HIGD1C: variants seen among roughly 807,000 people sequenced by gnomAD.
HIGD1C encodes the protein HIG1 hypoxia inducible domain family member 1C.
Under a neutral mutation model 13.1 loss-of-function variants are expected in HIGD1C, and 11 were observed. The ratio of observed to expected loss-of-function variants is 0.84; its 90% CI spans 0.53 to 1.39. HIGD1C has a LOEUF of 1.39. Ranked by LOEUF, HIGD1C falls within the 40% of genes most tolerant of loss-of-function variation. The pLI, the probability that HIGD1C is intolerant of heterozygous loss-of-function variation, is 0.00. For synonymous variants in HIGD1C, 36 were observed against 37.7 expected, an observed-to-expected ratio of 0.95 and a Z score of 0.17; for missense variants, 110 against 112.0, an observed-to-expected ratio of 0.98 and a Z score of 0.08.
intron 1 of HIGD1C, among the ~76,000 whole-genome samples, chr12:50,954,918 C>T (rs1222922703): frequency 6.6e-6 from 1 of 152,106 alleles, no homozygotes; most frequent in African/African-American, 2.4e-5. Context: ...TTTGGCTGCT[C>T]AGTGGCCCTC....
chr12:50,968,789 G>A (rs186140695), intron 2 of HIGD1C, among the ~76,000 whole-genome samples: 11 of 149,072 alleles, frequency 7.4e-5, no homozygotes, highest in Non-Finnish European at 1.2e-4. Context: ...TGATCCACCC[G>A]CCTTGGCCTC....
At chr12:50,971,912 T>C (rs999683997), downstream of HIGD1C, among the ~76,000 whole-genome samples, 7 of 152,236 alleles carry the variant, frequency 4.6e-5, no homozygotes, top group Non-Finnish European at 1.0e-4. Flanking sequence ...TATACATTTT[T>C]CCCCATTGGG....
chr12:50,956,305 T>C (rs1383466145), intron 1 of HIGD1C, among the ~76,000 whole-genome samples: 1 of 152,086 alleles, frequency 6.6e-6, no homozygotes, highest in East Asian at 1.9e-4. Flanking sequence ...GGCGGGAGAA[T>C]CACTTGAACT....
At chr12:50,939,940 A>G in the HIGD1C span, 2 of 148,784 alleles carry the variant, frequency 1.3e-5, no homozygotes, top group East Asian at 2.0e-4. Flanking sequence ...AGCCTAGTCA[A>G]TTGAAGCAGT....
At chr12:50,943,157 G>A in the HIGD1C span, among the ~76,000 whole-genome samples, 4 of 151,778 alleles carry the variant, frequency 2.6e-5, no homozygotes, top group African/African-American at 4.8e-5. Context: ...GAGCCACCAC[G>A]CCCAATCAAG....
chr12:50,970,638 C>T (rs1017599724), downstream of HIGD1C: 5 of 615,454 alleles, frequency 8.1e-6, no homozygotes, highest in Admixed American at 9.1e-5. Context: ...TATTTCAAGT[C>T]TCAGTGTTTT....
upstream of HIGD1C, among the ~76,000 whole-genome samples, chr12:50,951,891 C>T (rs906720649): frequency 2.1e-5 from 3 of 140,892 alleles, no homozygotes; most frequent in African/African-American, 8.1e-5. Flanking sequence ...CATCACACTC[C>T]AGCCAGGGTG....
At chr12:50,935,154 T>G in the HIGD1C span, 1 of 152,158 alleles carries the variant, frequency 6.6e-6, no homozygotes. Flanking sequence ...GTTAAAGTAA[T>G]TAAAAGTCTG....
At chr12:50,954,561 T>G (rs1277973399) in intron 1 of HIGD1C, among the ~76,000 whole-genome samples, 1 of 152,136 alleles carries the variant, frequency 6.6e-6, no homozygotes, top group Non-Finnish European at 1.5e-5. Context: ...TTGGGCACAT[T>G]AAAAACTTCT....
chr12:50,952,886 C>A (rs1938949518), upstream of HIGD1C, among the ~76,000 whole-genome samples: 1 of 152,196 alleles, frequency 6.6e-6, no homozygotes, highest in Non-Finnish European at 1.5e-5. Context: ...TCTTTCCCCT[C>A]AATTTTGGGC....
intron 2 of HIGD1C, among the ~76,000 whole-genome samples, chr12:50,964,212 T>C (rs199761759): frequency 2.0e-5 from 3 of 152,352 alleles, no homozygotes; most frequent in East Asian, 3.9e-4. Flanking sequence ...CACTCCTAAA[T>C]ATCACAGTCT....
At chr12:50,934,324 G>A in the HIGD1C span, among the ~76,000 whole-genome samples, 1 of 152,330 alleles carries the variant, frequency 6.6e-6, no homozygotes, top group Admixed American at 6.5e-5. Context: ...AGTCCTGGTT[G>A]TGTCATTGGT....
intron 1 of HIGD1C, among the ~76,000 whole-genome samples, chr12:50,958,046 T>C (rs1346697050): frequency 6.6e-6 from 1 of 150,966 alleles, no homozygotes; most frequent in Non-Finnish European, 1.5e-5. Flanking sequence ...CCTCAAGTGA[T>C]ATGCCTGCCT....
At position 50,961,109 on chromosome 12, in the gene HIGD1C, C is replaced by T. The variant is rs752870271; in HGVS notation, c.229+7C>T. The T allele has an allele frequency of 5.0e-6, 8 of 1,613,216 alleles. No homozygotes were observed. The highest frequency in any genetic ancestry group is 4.5e-5 in the East Asian group (2 of 44,884). On this transcript the variant is annotated splice_region_variant and intron_variant, in intron 2 of 2. Coordinates refer to ENST00000398455, the Ensembl canonical transcript of HIGD1C. ...GTTGGAGCTGTGACTCTAGGTAACC[C>T]GCTTAATTTGTATCTTATGTTCAGC...
chr12:50,941,439 C>T, the HIGD1C span, among the ~76,000 whole-genome samples: 4 of 152,050 alleles, frequency 2.6e-5, no homozygotes, highest in Middle Eastern at 6.3e-3. Context: ...ATTGGCCTTA[C>T]GTTTGCACAA....
intron 1 of HIGD1C, among the ~76,000 whole-genome samples, chr12:50,960,683 T>C (rs868081289): frequency 2.1e-5 from 3 of 145,254 alleles, no homozygotes; most frequent in Non-Finnish European, 4.5e-5. Context: ...ATTTAACCCA[T>C]ACATTTTTTT....
chr12:50,932,357 C>T, the HIGD1C span: 13 of 152,164 alleles, frequency 8.5e-5, no homozygotes, highest in African/African-American at 2.4e-4. Flanking sequence ...CCTCTGAAAG[C>T]GAGTGTTAGG....
chr12:50,970,545 GAA>G, downstream of HIGD1C: 1 of 1,235,128 alleles, frequency 8.1e-7, no homozygotes, highest in Non-Finnish European at 1.1e-6. Flanking sequence ...AGAAGCTTCT[GAA>G]AACTATTTAT....
chr12:50,955,013 C>T (rs896031641), intron 1 of HIGD1C, among the ~76,000 whole-genome samples: 4 of 152,134 alleles, frequency 2.6e-5, no homozygotes, highest in African/African-American at 4.8e-5. Flanking sequence ...ATAATTAGGC[C>T]GGGCACAGTG....
Sources: gnomAD v4.1 joint callset for allele counts (sites outside exome capture counted in the v4.1 genomes callset) on GRCh38, gnomAD v4.1.1 for gene constraint, MANE v1.5 for transcripts, NCBI Gene and HGNC (gene_info 2026-07-23, HGNC 2026-07-21) for gene names.